The following EYA2 variants were observed in gnomAD, a reference collection of about 807,000 sequenced individuals.
EYA2 encodes EYA transcriptional coactivator and phosphatase 2.
A neutral mutation model predicts 69.2 loss-of-function variants in EYA2; 31 were observed. The ratio of observed to expected loss-of-function variants is 0.45; its 90% CI spans 0.34 to 0.60. The LOEUF is 0.60. EYA2 is among the 20% of genes least tolerant of loss of function. The pLI is 0.02. For missense variants in EYA2, 622 were observed against 701.2 expected (o/e 0.89, Z 1.28); for synonymous variants, 257 against 279.4 (o/e 0.92, Z 0.80).
chr20:46,968,701 T>G (rs1432152270), intron 1 of EYA2, among the ~76,000 whole-genome samples: 1 of 152,126 alleles, frequency 6.6e-6, no homozygotes, highest in African/African-American at 2.4e-5. Flanking sequence ...CGGATGCCAA[T>G]AGCACCCTCC....
At chr20:47,172,665 C>T (rs759578806) in intron 11 of EYA2, 42 bp from the exon 12 acceptor site, 2 of 1,544,448 alleles carry the variant, frequency 1.3e-6, no homozygotes, top group South Asian at 1.2e-5. Context: ...ATGCCCTGCA[C>T]CCCCCTGCAC....
At chr20:47,008,768 C>G (rs990332946) in intron 4 of EYA2, among the ~76,000 whole-genome samples, 2 of 152,154 alleles carry the variant, frequency 1.3e-5, no homozygotes, top group Non-Finnish European at 2.9e-5. Flanking sequence ...GCTGCAAGAC[C>G]CTGAGGGAGC....
intron 9 of EYA2, among the ~76,000 whole-genome samples, chr20:47,121,388 C>T (rs2033039876): frequency 6.6e-6 from 1 of 152,140 alleles, no homozygotes; most frequent in South Asian, 2.1e-4. Context: ...CCACCGTGCC[C>T]CGCCAGAATT....
chr20:46,990,089 G>A lies in EYA2; in HGVS notation c.79G>A (p.Ala27Thr), dbSNP rs375615112. The change falls in exon 2 of 16, where the codon GCT becomes ACT. Residue 27 changes from alanine (A) to threonine (T), a missense_variant. Transcript: ENST00000327619. The part of the protein sequence containing the change: ...LDKLKFNRAD[A>T]AVWTLSDRQG... ...TAAACTGAAGTTTAACCGTGCTGAC[G>A]CTGCTGTGTGGACTCTGAGTGACAG... 5.6e-6 allele frequency: 9 copies of A among 1,611,622 alleles called. No individual in the cohort carries two copies. The highest frequency in any genetic ancestry group is 1.1e-5 in the South Asian group (1 of 91,000).
chr20:46,910,138 GTT>G (rs1294764107), intron 1 of EYA2, among the ~76,000 whole-genome samples: 1 of 152,166 alleles, frequency 6.6e-6, no homozygotes, highest in Non-Finnish European at 1.5e-5. Context: ...AAAGAAAAGA[GTT>G]TTAATTGGCT....
intron 9 of EYA2, among the ~76,000 whole-genome samples, chr20:47,131,715 C>T (rs747201973): frequency 6.6e-6 from 1 of 152,184 alleles, no homozygotes; most frequent in Non-Finnish European, 1.5e-5. Flanking sequence ...CTAACACAAG[C>T]AAGGAAACAG....
Position 46,926,527 on chromosome 20 carries a change from G to A in EYA2, c.-11+31540G>A, listed in dbSNP as rs140217983. On this transcript the variant is annotated intron_variant, in intron 1 of 15. Coordinates refer to ENST00000327619, the MANE Select transcript of EYA2 (RefSeq NM_005244.5). ...TTCTTCTTCCTTTTGTTCTGTTCATGTCCTCAGTGGATTGGATGGTGCCCA... is the reference window on the plus strand; with the variant it reads ...TTCTTCTTCCTTTTGTTCTGTTCATATCCTCAGTGGATTGGATGGTGCCCA... 2.6e-5 allele frequency among the ~76,000 whole-genome samples: 4 copies of A among 152,316 alleles called. No homozygotes were observed. The East Asian group carries it at 7.7e-4, about 29-fold the overall frequency.
intron 5 of EYA2, among the ~76,000 whole-genome samples, chr20:47,058,947 A>G (rs887740879): frequency 6.6e-6 from 1 of 152,218 alleles, no homozygotes; most frequent in Non-Finnish European, 1.5e-5. Context: ...AACAATACAC[A>G]CAGAATTTAC....
chr20:47,025,626 A>C (rs1323427104), intron 5 of EYA2, among the ~76,000 whole-genome samples: 1 of 152,230 alleles, frequency 6.6e-6, no homozygotes, highest in East Asian at 1.9e-4. Flanking sequence ...CGAAATGGTC[A>C]TGAAAACCCC....
chr20:47,131,659 A>G (rs966513686), intron 9 of EYA2, among the ~76,000 whole-genome samples: 9 of 152,218 alleles, frequency 5.9e-5, no homozygotes, highest in African/African-American at 1.2e-4. Context: ...TTGGAGTGAC[A>G]TGAGGAAGGG....
At chr20:47,072,135 G>A (rs1568759660) in intron 5 of EYA2, 50 bp from the exon 6 acceptor site, 1 of 1,555,534 alleles carries the variant, frequency 6.4e-7, no homozygotes. Context: ...GCTTTAAAGA[G>A]AAAAAAAGAC....
chr20:47,180,187 C>T (rs941659850), intron 13 of EYA2, among the ~76,000 whole-genome samples: 19 of 140,968 alleles, frequency 1.3e-4, no homozygotes, highest in Middle Eastern at 3.5e-3. Flanking sequence ...TGTGCACCAC[C>T]ACACCTAGCT....
intron 5 of EYA2, among the ~76,000 whole-genome samples, chr20:47,032,566 A>G (rs184141950): frequency 2.0e-5 from 3 of 151,782 alleles, no homozygotes; most frequent in South Asian, 2.1e-4. Context: ...TGTCTTTTAT[A>G]TTTTTCGCCA....
chr20:47,049,216 C>T (rs922899528), intron 5 of EYA2, among the ~76,000 whole-genome samples: 6 of 152,332 alleles, frequency 3.9e-5, no homozygotes, highest in Admixed American at 3.3e-4. Context: ...GCCCTTCTCC[C>T]GCTTTCCCTA....
intron 9 of EYA2, among the ~76,000 whole-genome samples, chr20:47,136,430 G>A (rs1206832): frequency 0.6 from 91,225 of 151,982 alleles, 29,201 homozygotes; most frequent in African/African-American, 0.84. Context: ...AGATCTTTGG[G>A]CCGCCTACGT....
At chr20:47,129,476 G>T (rs1319869550) in intron 9 of EYA2, among the ~76,000 whole-genome samples, 2 of 152,250 alleles carry the variant, frequency 1.3e-5, no homozygotes, top group Non-Finnish European at 2.9e-5. Flanking sequence ...CAAAGGCCCT[G>T]AGGCAGGAGC....
At chr20:47,060,856 T>C (rs1429291788) in intron 5 of EYA2, among the ~76,000 whole-genome samples, 5 of 150,442 alleles carry the variant, frequency 3.3e-5, no homozygotes, top group African/African-American at 9.8e-5. Context: ...TCTCTCTTTT[T>C]TTTTTTTTTT....
chr20:47,127,562 AAAAAG>A (rs1291792879), intron 9 of EYA2, among the ~76,000 whole-genome samples: 45 of 152,326 alleles, frequency 3.0e-4, no homozygotes, highest in African/African-American at 9.9e-4. Flanking sequence ...CAAGATAACA[AAAAAG>A]AAAAGAAAAT....
intron 4 of EYA2, among the ~76,000 whole-genome samples, chr20:47,013,483 A>G (rs1276634311): frequency 6.6e-6 from 1 of 152,196 alleles, no homozygotes; most frequent in Non-Finnish European, 1.5e-5. Context: ...CTTGTATCCA[A>G]CCAAGACAAA....
Sources: gnomAD v4.1 joint callset for allele counts (sites outside exome capture counted in the v4.1 genomes callset) on GRCh38, gnomAD v4.1.1 for gene constraint, MANE v1.5 for transcripts, NCBI Gene and HGNC (gene_info 2026-07-23, HGNC 2026-07-21) for gene names.